NKD1: variants seen among roughly 807,000 people sequenced by gnomAD.
NKD1 encodes the protein protein naked cuticle homolog 1.
Under a neutral mutation model 56.0 loss-of-function variants are expected in NKD1, and 21 were observed. That is an observed-to-expected ratio of 0.38 (90% CI 0.27 to 0.54). The LOEUF (loss-of-function observed/expected upper bound fraction) is 0.54, where lower values mean the gene tolerates loss of function less well. Among genes scored for constraint, NKD1 ranks in the 20% least tolerant of loss-of-function variants. The pLI is 0.82. For synonymous variants in NKD1, 263 were observed against 265.7 expected, an observed-to-expected ratio of 0.99 and a Z score of 0.10; for missense variants, 578 against 642.7, an observed-to-expected ratio of 0.90 and a Z score of 1.09.
At chr16:50,583,286 C>T (rs889124862) in intron 3 of NKD1, among the ~76,000 whole-genome samples, 2 of 152,174 alleles carry the variant, frequency 1.3e-5, no homozygotes, top group Non-Finnish European at 2.9e-5. Flanking sequence ...TATGAGAGGT[C>T]CAGCTACCTT....
At chr16:50,610,998 A>G (rs530267649) in intron 4 of NKD1, among the ~76,000 whole-genome samples, 1 of 152,318 alleles carries the variant, frequency 6.6e-6, no homozygotes, top group South Asian at 2.1e-4. Context: ...TCTGAGGACC[A>G]GGGAGGGGTG....
Position 50,637,295 on chromosome 16 carries a change from G to C in NKD1, c.*3514G>C, listed in dbSNP as rs925009456. ...AAAAGAGGTTATACTGGCCGGGCACGGTGGCTCACGCCTGTAATCTCAACA... is the reference window on the plus strand; with the variant it reads ...AAAAGAGGTTATACTGGCCGGGCACCGTGGCTCACGCCTGTAATCTCAACA... On this transcript the variant is annotated 3_prime_UTR_variant, in exon 10 of 10. Transcript: ENST00000268459. 1 of 152,216 alleles carries C rather than the reference G, an allele frequency of 6.6e-6. No homozygotes were observed. Among genetic ancestry groups the C allele is most frequent in the Non-Finnish European group, 1.5e-5 (1 of 68,060 alleles). 9.4% of individuals were successfully genotyped at this position (152,216 alleles called of 1,614,324 possible).
chr16:50,597,841 C>A (rs1312587472), intron 3 of NKD1, among the ~76,000 whole-genome samples: 5 of 152,132 alleles, frequency 3.3e-5, no homozygotes, highest in Admixed American at 1.3e-4. Context: ...TGGCAGCATG[C>A]GAACTGCTGA....
In NKD1 at chr16:50,571,317, G is replaced by A. The variant is rs79868765; in HGVS notation, c.192+21762G>A. On this transcript the variant is annotated intron_variant, in intron 3 of 9. Transcript: ENST00000268459. ...GTGGGGAGATGTGATCCGGAGAGGG[G>A]AAGGTCAGCAATGCAGCCAGGATGA... The A allele has an allele frequency of 7.8e-3, 1,450 of 186,256 alleles. 7 individuals are homozygous for A. The highest frequency in any genetic ancestry group is 0.019 in the Middle Eastern group (7 of 364). 11.5% of individuals were successfully genotyped at this position (186,256 alleles called of 1,614,324 possible).
At chr16:50,575,163 C>A (rs895173100) in intron 3 of NKD1, 1 of 985,160 alleles carries the variant, frequency 1.0e-6, no homozygotes, top group Admixed American at 6.2e-5. Flanking sequence ...CTGCCCTCCC[C>A]CTAGTAACCC....
chr16:50,560,112 T>TC (rs2090141794), intron 3 of NKD1, among the ~76,000 whole-genome samples: 1 of 152,060 alleles, frequency 6.6e-6, no homozygotes, highest in Non-Finnish European at 1.5e-5. Context: ...TACCCTTCTT[T>TC]CCCCCTTCAA....
At chr16:50,613,146 C>T (rs550679530) in intron 4 of NKD1, among the ~76,000 whole-genome samples, 4 of 151,946 alleles carry the variant, frequency 2.6e-5, no homozygotes, top group Admixed American at 6.6e-5. Context: ...GAGGTTTTGG[C>T]GGGTGACCAT....
In NKD1 at chr16:50,639,925, G is replaced by A. The variant is rs1276202260; in HGVS notation, c.*6144G>A. 6.6e-6 allele frequency: 1 copy of A among 152,226 alleles called. No homozygotes were observed. 9.4% of individuals were successfully genotyped at this position (152,226 alleles called of 1,614,324 possible). A position where few individuals can be genotyped will look rare whatever the true frequency, so the allele number is the denominator to read the frequency against. On this transcript the variant is annotated 3_prime_UTR_variant, in exon 10 of 10. Coordinates refer to ENST00000268459, the MANE Select transcript of NKD1 (RefSeq NM_033119.5). ...TTCCCACTTTGCTTGGGGGTCCTTG[G>A]TCAAGGCCAGCTTTGGGGACTAGGG...
intron 2 of NKD1, 123 bp downstream of exon 2, chr16:50,548,872 G>A: frequency 8.7e-7 from 1 of 1,155,904 alleles, no homozygotes; most frequent in Non-Finnish European, 1.1e-6. Flanking sequence ...TCCGGCCACC[G>A]GCCCCCCAAG....
intron 5 of NKD1, 121 bp downstream of exon 5, chr16:50,621,829 C>T: frequency 1.4e-6 from 1 of 722,146 alleles, no homozygotes; most frequent in Non-Finnish European, 2.3e-6. Flanking sequence ...GCATGAACAG[C>T]ACCCTCTGTG....
At chr16:50,606,924 C>T (rs1359897052) in intron 3 of NKD1, 1 of 456,778 alleles carries the variant, frequency 2.2e-6, no homozygotes, top group Non-Finnish European at 4.4e-6. Context: ...CACCTGTGTG[C>T]ATCCCTTTCC....
chr16:50,630,765 T>C, intron 7 of NKD1, 61 bp from the exon 8 acceptor site: 1 of 1,443,594 alleles, frequency 6.9e-7, no homozygotes, highest in Admixed American at 2.1e-5. Context: ...CAGGCAGCCC[T>C]GGGGAGGGTG....
intron 2 of NKD1, 30 bp downstream of exon 2, chr16:50,548,779 G>A: frequency 7.2e-7 from 1 of 1,381,546 alleles, no homozygotes; most frequent in Non-Finnish European, 9.3e-7. Flanking sequence ...AGACCTCGGG[G>A]ATGGACGCGG....
chr16:50,622,757 G>A (rs1962121071), intron 5 of NKD1, among the ~76,000 whole-genome samples: 1 of 152,168 alleles, frequency 6.6e-6, no homozygotes, highest in Non-Finnish European at 1.5e-5. Flanking sequence ...ATGCTGATTG[G>A]CACCGGCTAA....
At position 50,633,425 on chromosome 16, in the gene NKD1, G is replaced by A. The variant is rs1279368584; in HGVS notation, c.1057G>A (p.Gly353Ser). The part of the protein sequence containing the change: ...KHFVRSPKAQ[G>S]KSVGVGHVAR... ...CTTTGTGAGGTCCCCCAAGGCCCAG[G>A]GCAAGAGTGTGGGTGTGGGCCACGT... The change falls in exon 10 of 10, where the codon GGC (glycine) becomes AGC (serine). Residue 353 changes from glycine (G) to serine (S), a missense_variant. Gly to Ser is a moderately conservative substitution (Grantham distance 56). Transcript: ENST00000268459. The surrounding 1 kb of genome is among the most constrained non-coding windows in gnomAD (Gnocchi z 4.9). The A allele has an allele frequency of 6.2e-7, 1 of 1,612,804 alleles. No homozygotes were observed. Among genetic ancestry groups the A allele is most frequent in the East Asian group, 2.2e-5 (1 of 44,876 alleles).
chr16:50,567,545 C>T (rs929112762), intron 3 of NKD1, among the ~76,000 whole-genome samples: 2 of 152,190 alleles, frequency 1.3e-5, no homozygotes, highest in Non-Finnish European at 2.9e-5. Context: ...GCTGTGAGTG[C>T]CTTTTACACT....
intron 3 of NKD1, among the ~76,000 whole-genome samples, chr16:50,577,349 G>A (rs12445434): frequency 0.018 from 2,672 of 152,154 alleles, 69 homozygotes; most frequent in Admixed American, 0.072. Context: ...AGATATGATT[G>A]ACTTGTACAA....
Position 50,598,258 on chromosome 16 carries a change from T to C in NKD1, c.193-10036T>C, listed in dbSNP as rs1222114914. On this transcript the variant is annotated intron_variant, in intron 3 of 9. Transcript: ENST00000268459. The surrounding 1 kb of genome is among the most constrained non-coding windows in gnomAD (Gnocchi z 4.2). ...GTGTGTGTGTGTGTGTGTGTGTGTG[T>C]GTGTGCGCGCACACCTGTGCTCATG... is the stretch of plus-strand genomic sequence containing the variant. 5.7e-5 allele frequency among the ~76,000 whole-genome samples: 8 copies of C among 139,732 alleles called. No individual in the cohort carries two copies. Among genetic ancestry groups the C allele is most frequent in the African/African-American group, 1.5e-4 (5 of 33,912 alleles). The allele number at this position is 139,732 out of a possible 152,430, so 91.7% of individuals were successfully genotyped here. A position where few individuals can be genotyped will look rare whatever the true frequency, so the allele number is the denominator to read the frequency against.
chr16:50,554,286 G>T (rs745509625), intron 3 of NKD1, among the ~76,000 whole-genome samples: 1 of 152,154 alleles, frequency 6.6e-6, no homozygotes, highest in Non-Finnish European at 1.5e-5. Flanking sequence ...TCGCCCAGTG[G>T]GGATGTTGGA....
Sources: allele counts gnomAD v4.1 joint callset (sites outside exome capture counted in the v4.1 genomes callset), GRCh38; gene constraint gnomAD v4.1.1; non-coding constraint Gnocchi (gnomAD v3.1); transcripts MANE v1.5; gene names NCBI Gene and HGNC (gene_info 2026-07-23, HGNC 2026-07-21).